NBAS: variants seen among roughly 807,000 people sequenced by gnomAD.
NBAS encodes the protein NAG/BC035112 fusion.
NBAS carries 219 observed loss-of-function variants against 302.5 expected under a neutral mutation model. That is an observed-to-expected ratio of 0.72 (90% CI 0.65 to 0.81). The LOEUF (loss-of-function observed/expected upper bound fraction) is 0.81. Ranked by LOEUF, NBAS falls within the 30% of genes least tolerant of loss-of-function variation. NBAS has a pLI of 0.00. For synonymous variants in NBAS, 1,118 were observed against 1,021.6 expected, an observed-to-expected ratio of 1.09 and a Z score of -1.80; for missense variants, 2,932 against 2,841.6, an observed-to-expected ratio of 1.03 and a Z score of -0.72.
chr2:15,523,242 A>G (rs976040021), intron 9 of NBAS, among the ~76,000 whole-genome samples: 2 of 152,158 alleles, frequency 1.3e-5, no homozygotes, highest in Non-Finnish European at 2.9e-5. Flanking sequence ...ATGATACGCA[A>G]TTTCCCGGAG....
At chr2:15,468,236 A>C in intron 17 of NBAS, 146 bp downstream of exon 17, 1 of 884,074 alleles carries the variant, frequency 1.1e-6, no homozygotes, top group Non-Finnish European at 1.8e-6. Context: ...ATGAGCAATG[A>C]CTTCAGGTAA....
At chr2:14,871,301 T>C in the NBAS span, among the ~76,000 whole-genome samples, 1 of 151,848 alleles carries the variant, frequency 6.6e-6, no homozygotes, top group African/African-American at 2.4e-5. Context: ...ACAAAGAAAC[T>C]TACAGACTCC....
the NBAS span, among the ~76,000 whole-genome samples, chr2:14,860,443 A>G: frequency 6.6e-6 from 1 of 152,218 alleles, no homozygotes. Context: ...TTGCCCATCA[A>G]TTGATAAATG....
the NBAS span, among the ~76,000 whole-genome samples, chr2:15,133,320 CG>C: frequency 7.2e-4 from 104 of 144,016 alleles, no homozygotes; most frequent in East Asian, 3.9e-3. Flanking sequence ...AAGGACATAG[CG>C]GGGGGGGGGC....
the NBAS span, among the ~76,000 whole-genome samples, chr2:14,852,983 A>C: frequency 1.0e-3 from 153 of 149,838 alleles, no homozygotes; most frequent in African/African-American, 3.7e-3. Context: ...AAGAAAACCT[A>C]GGCATTACCA....
the NBAS span, among the ~76,000 whole-genome samples, chr2:15,092,684 C>T: frequency 6.6e-6 from 1 of 152,152 alleles, no homozygotes; most frequent in East Asian, 1.9e-4. Flanking sequence ...AGAACTTCCT[C>T]CAGTATGTCC....
chr2:15,225,358 G>C (rs1017524284), intron 47 of NBAS, among the ~76,000 whole-genome samples: 4 of 152,210 alleles, frequency 2.6e-5, no homozygotes, highest in Admixed American at 2.0e-4. Context: ...GGATTGTGAC[G>C]ACAGCTTTCA....
At chr2:14,955,718 CTT>C in the NBAS span, among the ~76,000 whole-genome samples, 1 of 152,210 alleles carries the variant, frequency 6.6e-6, no homozygotes, top group South Asian at 2.1e-4. Context: ...ACCTTGGCTC[CTT>C]TTAGCCACAG....
At chr2:15,211,115 TAA>T (rs1188662901) in intron 48 of NBAS, among the ~76,000 whole-genome samples, 2 of 152,198 alleles carry the variant, frequency 1.3e-5, no homozygotes, top group African/African-American at 2.4e-5. Context: ...TAAAAATTAC[TAA>T]AAGTATAACT....
chr2:15,381,109 T>G lies in NBAS; in HGVS notation c.3361-1278A>C, dbSNP rs78901517. 1.2e-3 allele frequency among the ~76,000 whole-genome samples: 189 copies of G among 152,306 alleles called. 1 individual carries two copies. Among genetic ancestry groups the G allele is most frequent in the African/African-American group, 4.4e-3 (183 of 41,570 alleles). On this transcript the variant is annotated intron_variant, in intron 29 of 51. Transcript: ENST00000281513. ...ACTTATATGTCATAGTTTCTCCATA[T>G]TTCTCTGGTCTACTCAAGTAAGCTG...
chr2:15,171,386 CG>C (rs1293261002), intron 51 of NBAS, among the ~76,000 whole-genome samples: 3 of 152,064 alleles, frequency 2.0e-5, no homozygotes, highest in African/African-American at 7.2e-5. Context: ...CACAATTAAT[CG>C]TATGATATTT....
At chr2:15,404,599 AC>A (rs1410436623) in intron 25 of NBAS, among the ~76,000 whole-genome samples, 1 of 148,192 alleles carries the variant, frequency 6.7e-6, no homozygotes, top group Non-Finnish European at 1.5e-5. Context: ...AGCAACCTCC[AC>A]CTCCCAGGTC....
chr2:15,050,594 C>G, the NBAS span, among the ~76,000 whole-genome samples: 1 of 152,214 alleles, frequency 6.6e-6, no homozygotes, highest in South Asian at 2.1e-4. Context: ...GATACCACAG[C>G]AGACAGTGAT....
rs780025342 is a variant in NBAS, at chr2:15,352,042, C to T, written c.4129G>A (p.Gly1377Arg). 6.2e-7 allele frequency: 1 copy of T among 1,611,976 alleles called. No homozygotes were observed. Among genetic ancestry groups the T allele is most frequent in the East Asian group, 2.2e-5 (1 of 44,816 alleles). ...QRVNFQIHHE[G>R]GENISASPLT... The stretch of plus-strand genomic sequence containing the variant: ...GGTGAAGCACTGATATTTTCCCCTC[C>T]TTCATGATGGATCTGGAAATTCACT... The change falls in exon 35 of 52, where the codon GGA becomes AGA. Residue 1377 changes from glycine to arginine, a missense_variant. By Grantham distance (125) the Gly-to-Arg change is moderately radical. Coordinates refer to ENST00000281513, the MANE Select transcript of NBAS (RefSeq NM_015909.4).
At chr2:15,538,501 G>T (rs1663631399) in intron 7 of NBAS, 1 of 252,342 alleles carries the variant, frequency 4.0e-6, no homozygotes, top group African/African-American at 2.2e-5. Flanking sequence ...GAATCTCTGT[G>T]AGTAGCGCCT....
chr2:15,198,179 A>T (rs536459982), intron 48 of NBAS, among the ~76,000 whole-genome samples: 3 of 152,342 alleles, frequency 2.0e-5, no homozygotes, highest in South Asian at 4.1e-4. Context: ...CTCTACAGTA[A>T]ATATTTGGCA....
chr2:15,305,401 T>A (rs1670984026), intron 40 of NBAS, among the ~76,000 whole-genome samples: 3 of 151,784 alleles, frequency 2.0e-5, no homozygotes, highest in Admixed American at 2.0e-4. Flanking sequence ...CATGCTGAAC[T>A]GTGAGTCAAT....
chr2:14,973,401 A>T, the NBAS span, among the ~76,000 whole-genome samples: 274 of 152,380 alleles, frequency 1.8e-3, 1 homozygote, highest in African/African-American at 6.3e-3. Flanking sequence ...GGAATACTTT[A>T]AGAAGTAAAA....
chr2:15,005,875 A>G, the NBAS span, among the ~76,000 whole-genome samples: 1 of 152,226 alleles, frequency 6.6e-6, no homozygotes, highest in African/African-American at 2.4e-5. Context: ...TTCTGTAGAC[A>G]TGGAAATCCT....
Sources: gnomAD v4.1 joint callset for allele counts (sites outside exome capture counted in the v4.1 genomes callset) on GRCh38, gnomAD v4.1.1 for gene constraint, MANE v1.5 for transcripts, NCBI Gene and HGNC (gene_info 2026-07-23, HGNC 2026-07-21) for gene names.